Variants in RYR2 observed in about 807,000 individuals in gnomAD.
RYR2 encodes the protein ryanodine receptor 2.
RYR2 carries 227 observed loss-of-function variants against 601.1 expected under a neutral mutation model. The ratio of observed to expected loss-of-function variants is 0.38; its 90% CI spans 0.34 to 0.42. The LOEUF is 0.42. Among genes scored for constraint, RYR2 ranks in the 10% least tolerant of loss-of-function variants. The pLI, the probability that RYR2 is intolerant of heterozygous loss-of-function variation, is 1.00. For missense variants in RYR2, 4,646 were observed against 6,156.5 expected (o/e 0.75, Z 8.21); for synonymous variants, 2,223 against 2,175.1 (o/e 1.02, Z -0.61).
At chr1:237,119,767 G>A (rs570637454) in intron 1 of RYR2, among the ~76,000 whole-genome samples, 51 of 152,314 alleles carry the variant, frequency 3.3e-4, no homozygotes, top group Non-Finnish European at 5.9e-4. Context: ...AGACCTGGGG[G>A]AAAGCCTTTC....
At chr1:237,830,427 G>A in intron 102 of RYR2, 103 bp from the exon 103 acceptor site, 1 of 753,318 alleles carries the variant, frequency 1.3e-6, no homozygotes. Context: ...TCTTTGACGT[G>A]TATTGAGTGA....
chr1:237,522,454 G>A (rs540502032), intron 24 of RYR2, among the ~76,000 whole-genome samples: 4 of 152,272 alleles, frequency 2.6e-5, no homozygotes, highest in East Asian at 1.9e-4. Context: ...CACTTCTTTC[G>A]AACATGTTGT....
At chr1:237,216,931 A>G (rs891381024) in intron 1 of RYR2, among the ~76,000 whole-genome samples, 15 of 152,170 alleles carry the variant, frequency 9.9e-5, no homozygotes, top group African/African-American at 3.4e-4. Flanking sequence ...ATAAATATTT[A>G]CCAAAGTGAA....
At chr1:237,447,332 ATTTAC>A (rs1275228969) in intron 14 of RYR2, among the ~76,000 whole-genome samples, 39 of 152,178 alleles carry the variant, frequency 2.6e-4, no homozygotes, top group Non-Finnish European at 4.1e-4. Context: ...CTTGAATGTG[ATTTAC>A]TTTAGCACAT....
At chr1:237,508,811 C>A (rs1009376642) in intron 23 of RYR2, among the ~76,000 whole-genome samples, 1 of 132,068 alleles carries the variant, frequency 7.6e-6, no homozygotes, top group Non-Finnish European at 1.5e-5. Context: ...GGCGGGATCT[C>A]GGCTCACTGC....
chr1:237,773,691 A>G, intron 87 of RYR2, 43 bp downstream of exon 87: 1 of 1,565,142 alleles, frequency 6.4e-7, no homozygotes, highest in Non-Finnish European at 8.7e-7. Flanking sequence ...ACTGAACTCC[A>G]TAGAAAAATG....
At chr1:237,290,194 A>G (rs1474801807) in intron 2 of RYR2, among the ~76,000 whole-genome samples, 1 of 152,248 alleles carries the variant, frequency 6.6e-6, no homozygotes, top group African/African-American at 2.4e-5. Flanking sequence ...AGAATGAACT[A>G]TTAATCTGTG....
chr1:237,598,309 G>A (rs1252846030), intron 34 of RYR2, among the ~76,000 whole-genome samples: 1 of 152,070 alleles, frequency 6.6e-6, no homozygotes, highest in East Asian at 1.9e-4. Context: ...TAGACCAAAG[G>A]GACATACTAG....
chr1:237,783,435 G>C (rs1278483415), intron 89 of RYR2, among the ~76,000 whole-genome samples: 1 of 152,118 alleles, frequency 6.6e-6, no homozygotes, highest in Non-Finnish European at 1.5e-5. Context: ...GGGGAAAAAT[G>C]TCAACTTTTG....
chr1:237,757,667 T>A, intron 81 of RYR2, 30 bp from the exon 82 acceptor site: 1 of 1,437,366 alleles, frequency 7.0e-7, no homozygotes, highest in Non-Finnish European at 9.8e-7. Flanking sequence ...CGAAATGATA[T>A]AAGGAACACT....
intron 16 of RYR2, among the ~76,000 whole-genome samples, chr1:237,465,563 A>G (rs1236104490): frequency 6.6e-6 from 1 of 152,160 alleles, no homozygotes; most frequent in African/African-American, 2.4e-5. Context: ...GAACTTACAC[A>G]AACCTCCGTG....
At chr1:237,701,129 A>G (rs113422788) in intron 65 of RYR2, among the ~76,000 whole-genome samples, 1 of 152,364 alleles carries the variant, frequency 6.6e-6, no homozygotes, top group African/African-American at 2.4e-5. Context: ...AGACTCGTGC[A>G]TTGTCCATTC....
At chr1:237,202,434 G>T (rs966381103) in intron 1 of RYR2, among the ~76,000 whole-genome samples, 3 of 151,792 alleles carry the variant, frequency 2.0e-5, no homozygotes, top group Admixed American at 6.6e-5. Flanking sequence ...TTCAGTCAGG[G>T]TCTCGCTCTG....
chr1:237,445,383 A>G lies in RYR2; in HGVS notation c.1171-18A>G, dbSNP rs1373662390. The stretch of plus-strand genomic sequence containing the variant: ...AAGAGACGTTGGGAGTAATGGCCTT[A>G]TTTTTGCTTTCTTACAGGCTATTAT... On this transcript the variant is annotated intron_variant, in intron 13 of 104. Transcript: ENST00000366574. 2.5e-6 allele frequency: 4 copies of G among 1,612,382 alleles called. No homozygotes were observed. In the South Asian group the frequency reaches 4.4e-5, roughly 18 times the overall value.
At chr1:237,236,018 T>A (rs1685516773) in intron 1 of RYR2, among the ~76,000 whole-genome samples, 2 of 152,230 alleles carry the variant, frequency 1.3e-5, no homozygotes, top group African/African-American at 4.8e-5. Flanking sequence ...AGGAATATGG[T>A]GCCTCTATGA....
At chr1:237,290,954 A>C (rs1056654344) in intron 2 of RYR2, among the ~76,000 whole-genome samples, 1 of 152,242 alleles carries the variant, frequency 6.6e-6, no homozygotes, top group African/African-American at 2.4e-5. Flanking sequence ...CTTGTGCATG[A>C]AATTGGCAAA....
chr1:237,479,140 G>A (rs746130024), intron 17 of RYR2, among the ~76,000 whole-genome samples: 12 of 152,084 alleles, frequency 7.9e-5, no homozygotes, highest in Non-Finnish European at 1.6e-4. Context: ...AAGTGTTTTG[G>A]TCTTCTGGTA....
At chr1:237,308,743 C>G (rs1477814539) in intron 2 of RYR2, among the ~76,000 whole-genome samples, 1 of 152,170 alleles carries the variant, frequency 6.6e-6, no homozygotes, top group Non-Finnish European at 1.5e-5. Flanking sequence ...AGATTTACTG[C>G]AAGGCGTGAA....
chr1:237,691,228 G>A (rs1686917287), intron 63 of RYR2, among the ~76,000 whole-genome samples: 1 of 152,116 alleles, frequency 6.6e-6, no homozygotes, highest in South Asian at 2.1e-4. Context: ...AGAATTGAAA[G>A]TTGAGGTTGA....
Sources: gnomAD v4.1 joint callset for allele counts (sites outside exome capture counted in the v4.1 genomes callset) on GRCh38, gnomAD v4.1.1 for gene constraint, MANE v1.5 for transcripts, NCBI Gene and HGNC (gene_info 2026-07-23, HGNC 2026-07-21) for gene names.